LRP1B: variants seen among roughly 807,000 people sequenced by gnomAD.
LRP1B encodes LDL receptor related protein 1B.
Under a neutral mutation model 556.6 loss-of-function variants are expected in LRP1B, and 217 were observed. The observed-to-expected ratio is 0.39, with a 90% CI of 0.35 to 0.44. The LOEUF (loss-of-function observed/expected upper bound fraction) is 0.44. Ranked by LOEUF, LRP1B falls within the 20% of genes least tolerant of loss-of-function variation. LRP1B has a pLI of 1.00. For synonymous variants in LRP1B, 2,047 were observed against 1,865.8 expected, an observed-to-expected ratio of 1.10 and a Z score of -2.50; for missense variants, 5,053 against 5,620.8, an observed-to-expected ratio of 0.90 and a Z score of 3.23.
chr2:141,502,798 G>C (rs1683769797), intron 2 of LRP1B, among the ~76,000 whole-genome samples: 1 of 151,104 alleles, frequency 6.6e-6, no homozygotes, highest in South Asian at 2.1e-4. Context: ...GGCGGAGGTT[G>C]TAGTGAGCCA....
At chr2:141,458,121 C>T (rs900302586) in intron 3 of LRP1B, among the ~76,000 whole-genome samples, 2 of 152,096 alleles carry the variant, frequency 1.3e-5, no homozygotes, top group African/African-American at 2.4e-5. Flanking sequence ...ATGTCAATCC[C>T]TAAAGGGTAA....
At chr2:140,987,453 T>C (rs1439797437) in intron 17 of LRP1B, among the ~76,000 whole-genome samples, 1 of 152,128 alleles carries the variant, frequency 6.6e-6, no homozygotes, top group Non-Finnish European at 1.5e-5. Context: ...ATTAAAACTG[T>C]TTTATTTGCT....
At chr2:141,086,962 G>T (rs1193783178) in intron 7 of LRP1B, among the ~76,000 whole-genome samples, 1 of 152,162 alleles carries the variant, frequency 6.6e-6, no homozygotes, top group Non-Finnish European at 1.5e-5. Flanking sequence ...ACATATTGGT[G>T]GTTGTTGAAA....
rs1687631240 is a variant in LRP1B at position 141,599,045 on chromosome 2, TCCCCCCCGCCCCCCCCCCCCCC to T, written c.206-118534_206-118513del. Among the ~76,000 whole-genome samples the T allele has an allele frequency of 1.4e-4, 4 of 28,966 alleles. 1 individual carries two copies. The highest frequency in any genetic ancestry group is 3.9e-4 in the African/African-American group (4 of 10,372). 19.0% of individuals were successfully genotyped at this position (28,966 alleles called of 152,430 possible). A position where few individuals can be genotyped will look rare whatever the true frequency, so the allele number is the denominator to read the frequency against. On this transcript the variant is annotated intron_variant, in intron 2 of 90. Coordinates refer to ENST00000389484, the MANE Select transcript of LRP1B (RefSeq NM_018557.3). ...TTGACTTGCTTTTATTTTGTTCAAC[TCCCCCCCGCCCCCCCCCCCCCC>T]CCCCCCCGCTTTAACTCTCCTGTCA...
chr2:140,884,116 T>C, intron 24 of LRP1B, 95 bp from the exon 25 acceptor site: 1 of 1,106,888 alleles, frequency 9.0e-7, no homozygotes, highest in Non-Finnish European at 1.3e-6. Flanking sequence ...CAGTACAAAT[T>C]ATTTCAATGT....
chr2:141,214,501 G>T (rs1176648440), intron 6 of LRP1B, among the ~76,000 whole-genome samples: 1 of 152,132 alleles, frequency 6.6e-6, no homozygotes, highest in Non-Finnish European at 1.5e-5. Flanking sequence ...TAAAATAGCA[G>T]AGCTTCCTTC....
At chr2:141,937,712 A>AT (rs1700679285) in intron 1 of LRP1B, among the ~76,000 whole-genome samples, 1 of 151,506 alleles carries the variant, frequency 6.6e-6, no homozygotes, top group Non-Finnish European at 1.5e-5. Context: ...CCGCTTGTTT[A>AT]TTTTTTCTTT....
intron 53 of LRP1B, among the ~76,000 whole-genome samples, chr2:140,505,458 T>C (rs537738932): frequency 6.6e-6 from 1 of 152,312 alleles, no homozygotes; most frequent in Non-Finnish European, 1.5e-5. Context: ...TCAGCTCTGA[T>C]CTCATTGTGA....
intron 11 of LRP1B, among the ~76,000 whole-genome samples, chr2:141,027,626 C>T (rs1190836676): frequency 6.6e-6 from 1 of 152,108 alleles, no homozygotes; most frequent in African/African-American, 2.4e-5. Context: ...ATTGCATCAA[C>T]ATTAATTTTT....
intron 25 of LRP1B, among the ~76,000 whole-genome samples, chr2:140,868,733 A>T (rs996598): frequency 0.84 from 127,736 of 152,098 alleles, 54,044 homozygotes; most frequent in Non-Finnish European, 0.89. Flanking sequence ...GAATAGGATG[A>T]CAAATAGGTG....
intron 3 of LRP1B, among the ~76,000 whole-genome samples, chr2:141,350,311 ATGAAGAAATGTGATGT>A (rs1239343209): frequency 2.9e-4 from 44 of 152,222 alleles, no homozygotes; most frequent in African/African-American, 9.9e-4. Context: ...GGTTACCAAA[ATGAAGAAATGTGATGT>A]TTAGTGTGTT....
At chr2:140,590,204 G>A (rs746657952) in intron 43 of LRP1B, among the ~76,000 whole-genome samples, 2 of 148,852 alleles carry the variant, frequency 1.3e-5, no homozygotes, top group Admixed American at 6.7e-5. Flanking sequence ...CAACCTAAAG[G>A]CTTCTATTAA....
intron 1 of LRP1B, among the ~76,000 whole-genome samples, chr2:142,071,581 C>T (rs1705312768): frequency 6.6e-6 from 1 of 152,016 alleles, no homozygotes; most frequent in Non-Finnish European, 1.5e-5. Context: ...GAACATATCA[C>T]AGTCACACTC....
rs574085668 is a variant in LRP1B, at chr2:140,487,844, T to A, written c.9121-105A>T. 21 of 647,838 alleles carry A rather than the reference T, an allele frequency of 3.2e-5. No homozygotes were observed. The African/African-American group carries it at 3.7e-4, about 11-fold the overall frequency. 40.1% of individuals were successfully genotyped at this position (647,838 alleles called of 1,614,324 possible). ...CTGTCTTCCTTTGAAACTAAATAGT[T>A]CTATTTATTATAATAAAGTATTTGC... On this transcript the variant is annotated intron_variant, in intron 57 of 90. Coordinates refer to ENST00000389484, the MANE Select transcript of LRP1B (RefSeq NM_018557.3).
intron 5 of LRP1B, among the ~76,000 whole-genome samples, chr2:141,236,177 T>C (rs1437281478): frequency 1.3e-5 from 2 of 152,128 alleles, no homozygotes; most frequent in East Asian, 3.9e-4. Context: ...TTTATTTAAA[T>C]TGACATAAAT....
intron 20 of LRP1B, among the ~76,000 whole-genome samples, chr2:140,925,618 C>A (rs1694862602): frequency 6.6e-6 from 1 of 152,086 alleles, no homozygotes; most frequent in African/African-American, 2.4e-5. Context: ...AAGGTGTAAT[C>A]TATTGATTTT....
chr2:140,760,228 AT>A (rs554007779), intron 35 of LRP1B, among the ~76,000 whole-genome samples: 48 of 152,246 alleles, frequency 3.2e-4, no homozygotes, highest in African/African-American at 1.1e-3. Flanking sequence ...ATAATCTTAG[AT>A]TTTGCCCTGC....
At chr2:141,494,544 T>C (rs1683447765) in intron 2 of LRP1B, among the ~76,000 whole-genome samples, 1 of 151,696 alleles carries the variant, frequency 6.6e-6, no homozygotes, top group Non-Finnish European at 1.5e-5. Context: ...GTAAAAGTAA[T>C]TGCTGTTTTT....
chr2:141,296,234 G>T (rs147349545), intron 3 of LRP1B, among the ~76,000 whole-genome samples: 1 of 152,134 alleles, frequency 6.6e-6, no homozygotes, highest in African/African-American at 2.4e-5. Context: ...GAAGCATTCC[G>T]TAAGTCAGTA....
Sources: allele counts gnomAD v4.1 joint callset (sites outside exome capture counted in the v4.1 genomes callset), GRCh38; gene constraint gnomAD v4.1.1; transcripts MANE v1.5; gene names NCBI Gene and HGNC (gene_info 2026-07-23, HGNC 2026-07-21).